The following NCBP3 variants were observed in gnomAD, a reference collection of about 807,000 sequenced individuals.
The protein encoded by NCBP3 is nuclear cap-binding protein subunit 3.
A neutral mutation model predicts 75.7 loss-of-function variants in NCBP3; 20 were observed. The ratio of observed to expected loss-of-function variants is 0.26; its 90% CI spans 0.19 to 0.38. The LOEUF is 0.38. NCBP3 is among the 10% of genes least tolerant of loss of function. The pLI is 1.00. For synonymous variants in NCBP3, 293 were observed against 290.5 expected (o/e 1.01, Z -0.09); for missense variants, 678 against 796.9 (o/e 0.85, Z 1.80).
intron 7 of NCBP3, among the ~76,000 whole-genome samples, chr17:3,823,352 CA>C (rs993535880): frequency 1.3e-5 from 2 of 151,754 alleles, no homozygotes; most frequent in Admixed American, 6.6e-5. Context: ...TCAAAACAAA[CA>C]AAAAAATAAA....
intron 2 of NCBP3, among the ~76,000 whole-genome samples, chr17:3,840,653 T>C (rs915483024): frequency 6.6e-6 from 1 of 152,220 alleles, no homozygotes; most frequent in Non-Finnish European, 1.5e-5. Flanking sequence ...CAAGCAGATC[T>C]GATTCCAGTG....
rs1359452978 is a variant in NCBP3 at position 3,816,096 on chromosome 17, A to C, written c.1465+20T>G. 6.2e-7 allele frequency: 1 copy of C among 1,603,204 alleles called. No individual in the cohort carries two copies. The highest frequency in any genetic ancestry group is 1.7e-5 in the Admixed American group (1 of 58,414). ...TCCGGAGCTCAGAATCCAGCCAGGA[A>C]TCCAAGTGAGGAACAGTACCTGATT... On this transcript the variant is annotated intron_variant, in intron 11 of 12. Coordinates refer to ENST00000389005, the MANE Select transcript of NCBP3 (RefSeq NM_001114118.3).
intron 3 of NCBP3, among the ~76,000 whole-genome samples, chr17:3,834,112 G>C (rs2053934340): frequency 6.6e-6 from 1 of 152,186 alleles, no homozygotes; most frequent in African/African-American, 2.4e-5. Flanking sequence ...CTAGAAAAGA[G>C]AAGGTAGCGA....
At chr17:3,833,472 A>G (rs141164375) in intron 3 of NCBP3, among the ~76,000 whole-genome samples, 2 of 151,918 alleles carry the variant, frequency 1.3e-5, no homozygotes, top group African/African-American at 2.4e-5. Flanking sequence ...AGGATTATCC[A>G]TTGCCCAAGT....
chr17:3,813,283 T>C lies in NCBP3; in HGVS notation c.1628-4A>G, dbSNP rs762900067. On this transcript the variant is annotated splice_polypyrimidine_tract_variant and splice_region_variant and intron_variant, in intron 12 of 12. Coordinates refer to ENST00000389005, the MANE Select transcript of NCBP3 (RefSeq NM_001114118.3). ...CCTAGGCGAGTCCATAAATTACCTGTTTGGATGAGATGGCATTTCACTTTC... is the reference window on the plus strand; with the variant it reads ...CCTAGGCGAGTCCATAAATTACCTGCTTGGATGAGATGGCATTTCACTTTC... 49 of 1,613,690 alleles carry C rather than the reference T, an allele frequency of 3.0e-5. 3 individuals carry two copies. The South Asian group carries it at 5.1e-4, about 17-fold the overall frequency.
intron 9 of NCBP3, among the ~76,000 whole-genome samples, chr17:3,820,714 C>T (rs943264744): frequency 6.6e-6 from 1 of 152,158 alleles, no homozygotes; most frequent in Non-Finnish European, 1.5e-5. Context: ...GGGTGGAACA[C>T]AAGGTCAGGA....
intron 9 of NCBP3, among the ~76,000 whole-genome samples, chr17:3,819,228 C>T (rs1169008829): frequency 2.0e-5 from 3 of 152,084 alleles, no homozygotes; most frequent in East Asian, 3.8e-4. Flanking sequence ...TCAATGTTAA[C>T]GAATCAACAA....
Position 3,840,155 on chromosome 17 carries a change from C to T in NCBP3, c.300G>A (p.Ser100=), listed in dbSNP as rs181859997. 266 of 1,551,670 alleles carry T rather than the reference C, an allele frequency of 1.7e-4. 5 individuals carry two copies. In the South Asian group the frequency reaches 2.4e-3, roughly 14 times the overall value. The change falls in exon 3 of 13, where the codon TCG becomes TCA. Residue 100 remains serine, a synonymous_variant. Transcript: ENST00000389005. The part of the protein sequence containing the change: ...EQRAKRFHFR[S]EVNLAQRNVA... ...CATTTCTTTGGGCAAGATTTACTTC[C>T]GATCGAAAATGGAAGCGCTTGGCTC... is the stretch of plus-strand genomic sequence containing the variant.
rs762118736 is a variant in NCBP3 at position 3,818,358 on chromosome 17, A to G, written c.1215T>C (p.Asp405=). The part of the protein sequence containing the change: ...SSSDSDEMDY[D]LELKMISTPS... ...GCGTGGAAATCATTTTCAGTTCTAG[A>G]TCATAGTCCATTTCATCTGAGTCTG... The change falls in exon 10 of 13, where the codon GAT becomes GAC. Residue 405 remains aspartate, a synonymous_variant. Transcript: ENST00000389005. The surrounding 1 kb of genome is among the most constrained non-coding windows in gnomAD (Gnocchi z 4.7). 1.2e-6 allele frequency: 2 copies of G among 1,614,090 alleles called. No homozygotes were observed. The highest frequency in any genetic ancestry group is 1.7e-6 in the Non-Finnish European group (2 of 1,180,018).
chr17:3,845,811 GC>G (rs1363673543), intron 1 of NCBP3, among the ~76,000 whole-genome samples: 1 of 151,820 alleles, frequency 6.6e-6, no homozygotes, highest in African/African-American at 2.4e-5. Flanking sequence ...CCAGCTCTCC[GC>G]CACCACCCCC....
intron 7 of NCBP3, 185 bp from the exon 8 acceptor site, chr17:3,822,237 A>C: frequency 1.9e-6 from 1 of 516,262 alleles, no homozygotes; most frequent in Non-Finnish European, 3.4e-6. Flanking sequence ...GAGGGGATAA[A>C]GCAAAATACA....
At chr17:3,825,179 T>C (rs1239940474) in intron 6 of NCBP3, 129 bp from the exon 7 acceptor site, 5 of 534,218 alleles carry the variant, frequency 9.4e-6, no homozygotes, top group African/African-American at 3.9e-5. Flanking sequence ...AGTTCCGCTG[T>C]AGAATTTCTA....
At position 3,846,242 on chromosome 17, in the gene NCBP3, C is replaced by G. The variant is rs1259695080; in HGVS notation, c.-19G>C. On this transcript the variant is annotated 5_prime_UTR_variant, in exon 1 of 13. Transcript: ENST00000389005. This position sits in a 1 kb window ranked among gnomAD's most constrained non-coding sequence, Gnocchi z 4.6. ...CCGCCATCGCTGCCTGCCGGCCGCA[C>G]CACTGAGAGCCCGCCCCTCACGGCC... is the stretch of plus-strand genomic sequence containing the variant. The G allele has an allele frequency of 1.8e-4, 247 of 1,405,868 alleles. No individual in the cohort carries two copies. The highest frequency in any genetic ancestry group is 2.2e-4 in the Non-Finnish European group (243 of 1,089,026). The allele number at this position is 1,405,868 out of a possible 1,614,324, so 87.1% of individuals were successfully genotyped here. A position where few individuals can be genotyped will look rare whatever the true frequency, so the allele number is the denominator to read the frequency against.
intron 1 of NCBP3, among the ~76,000 whole-genome samples, chr17:3,845,817 A>C (rs1393756735): frequency 1.5e-4 from 22 of 148,556 alleles, no homozygotes; most frequent in African/African-American, 4.2e-4. Flanking sequence ...CTCCGCCACC[A>C]CCCCCCAGCC....
At chr17:3,826,856 A>G (rs1445610984) in intron 4 of NCBP3, among the ~76,000 whole-genome samples, 1 of 151,918 alleles carries the variant, frequency 6.6e-6, no homozygotes, top group Non-Finnish European at 1.5e-5. Flanking sequence ...TACTAAAAAT[A>G]CAAAAAATTA....
chr17:3,826,810 G>A (rs762624263), intron 4 of NCBP3, among the ~76,000 whole-genome samples: 22 of 151,922 alleles, frequency 1.4e-4, no homozygotes, highest in South Asian at 4.2e-4. Context: ...TCAGGAGATC[G>A]AGACCATCCT....
At position 3,846,239 on chromosome 17, in the gene NCBP3, G is replaced by T; in HGVS notation, c.-16C>A. The stretch of plus-strand genomic sequence containing the variant: ...CGGCCGCCATCGCTGCCTGCCGGCC[G>T]CACCACTGAGAGCCCGCCCCTCACG... On this transcript the variant is annotated 5_prime_UTR_variant, in exon 1 of 13. Transcript: ENST00000389005. The surrounding 1 kb of genome is among the most constrained non-coding windows in gnomAD (Gnocchi z 4.6). 1 of 1,414,436 alleles carries T rather than the reference G, an allele frequency of 7.1e-7. No homozygotes were observed. The highest frequency in any genetic ancestry group is 9.1e-7 in the Non-Finnish European group (1 of 1,092,966). 87.6% of individuals were successfully genotyped at this position (1,414,436 alleles called of 1,614,324 possible).
chr17:3,834,844 AG>A (rs201530560), intron 3 of NCBP3, among the ~76,000 whole-genome samples: 1 of 150,262 alleles, frequency 6.7e-6, no homozygotes, highest in East Asian at 2.0e-4. Flanking sequence ...AAAAAAAAAA[AG>A]AAGAAAGCCA....
At position 3,812,395 on chromosome 17, in the gene NCBP3, T is replaced by TG; in HGVS notation, c.*648dup. The TG allele has an allele frequency of 3.8e-6, 2 of 531,722 alleles. No individual in the cohort carries two copies. Among genetic ancestry groups the TG allele is most frequent in the Non-Finnish European group, 4.8e-6 (2 of 414,842 alleles). The allele number at this position is 531,722 out of a possible 1,614,324, so 32.9% of individuals were successfully genotyped here. On this transcript the variant is annotated 3_prime_UTR_variant, in exon 13 of 13. Transcript: ENST00000389005. ...CCTAAAAATCCCACAGCACTGAACT[T>TG]GATCTTCACATCAAGCTGACAGCAC... is the stretch of plus-strand genomic sequence containing the variant.
Sources: allele counts gnomAD v4.1 joint callset (sites outside exome capture counted in the v4.1 genomes callset), GRCh38; gene constraint gnomAD v4.1.1; non-coding constraint Gnocchi (gnomAD v3.1); transcripts MANE v1.5; gene names NCBI Gene and HGNC (gene_info 2026-07-23, HGNC 2026-07-21).